ZMYM1: variants seen among roughly 807,000 people sequenced by gnomAD.
The protein encoded by ZMYM1 is zinc finger MYM-type protein 1.
In ZMYM1, 39 loss-of-function variants were observed where a neutral mutation model predicts 60.0. The observed-to-expected ratio is 0.65, with a 90% CI of 0.50 to 0.85. The LOEUF is 0.85. Ranked by LOEUF, ZMYM1 falls within the 40% of genes least tolerant of loss-of-function variation. The pLI, the probability that ZMYM1 is intolerant of heterozygous loss-of-function variation, is 0.00. For missense variants in ZMYM1, 1,171 were observed against 1,309.5 expected, an observed-to-expected ratio of 0.89 and a Z score of 1.63; for synonymous variants, 413 against 454.0, an observed-to-expected ratio of 0.91 and a Z score of 1.15.
rs1339802185 is a variant in ZMYM1 at position 35,111,844 on chromosome 1, T to C, written c.1034T>C (p.Ile345Thr). Residue 345 changes from isoleucine to threonine, a missense_variant, in exon 8 of 10, where the codon ATA becomes ACA. By Grantham distance (89) the Ile-to-Thr change is moderately conservative. Coordinates refer to ENST00000359858, the MANE Select transcript of ZMYM1 (RefSeq NM_024772.5). Reference protein sequence around the residue: ...LSPKKDTTPVISNIVSLADTD... With the variant: ...LSPKKDTTPVTSNIVSLADTD... ...CCAAAGAAAGATACGACTCCAGTTA[T>C]AAGCAATATAGTGTCATTGGCAGAC... 2 of 1,609,846 alleles carry C rather than the reference T, an allele frequency of 1.2e-6. No homozygotes were observed. Among genetic ancestry groups the C allele is most frequent in the African/African-American group, 1.3e-5 (1 of 75,018 alleles).
At chr1:35,092,773 G>A (rs1348948097) in intron 1 of ZMYM1, among the ~76,000 whole-genome samples, 3 of 151,818 alleles carry the variant, frequency 2.0e-5, no homozygotes, top group African/African-American at 2.4e-5. Flanking sequence ...GATTACCAGC[G>A]CATGCCACCA....
chr1:35,064,960 C>G (rs943772383), intron 1 of ZMYM1, among the ~76,000 whole-genome samples: 1 of 152,032 alleles, frequency 6.6e-6, no homozygotes, highest in Non-Finnish European at 1.5e-5. Flanking sequence ...CAAGCGTGAG[C>G]CACTGCGCCC....
At position 35,104,423 on chromosome 1, in the gene ZMYM1, C is replaced by CTAA. The variant is rs1391225891; in HGVS notation, c.551_553dup (p.Asn184dup). Reference sequence around the variant, plus strand: ...AGAAAACCATTTGTTACCATATGTACTAATAGCATTTTGACCAAGTGCAGC... The same window carrying CTAA: ...AGAAAACCATTTGTTACCATATGTACTAATAATAGCATTTTGACCAAGTGCAGC... On this transcript the variant is annotated inframe_insertion, in exon 5 of 10. Coordinates refer to ENST00000359858, the MANE Select transcript of ZMYM1 (RefSeq NM_024772.5). 2 of 1,612,364 alleles carry CTAA rather than the reference C, an allele frequency of 1.2e-6. No individual in the cohort carries two copies. The highest frequency in any genetic ancestry group is 3.4e-5 in the Admixed American group (2 of 59,570).
intron 4 of ZMYM1, 34 bp from the exon 5 acceptor site, chr1:35,104,261 A>G (rs778308569): frequency 2.7e-6 from 4 of 1,496,354 alleles, no homozygotes; most frequent in Non-Finnish European, 3.6e-6. Flanking sequence ...TTGTGTTTAA[A>G]CTGTTTAATG....
chr1:35,111,852 A>G lies in ZMYM1; in HGVS notation c.1042A>G (p.Ile348Val). The stretch of plus-strand genomic sequence containing the variant: ...AGATACGACTCCAGTTATAAGCAAT[A>G]TAGTGTCATTGGCAGACACCGATGT... ...KKDTTPVISN[I>V]VSLADTDVAL... Residue 348 changes from isoleucine (I) to valine (V), a missense_variant, in exon 8 of 10, where the codon ATA (isoleucine) becomes GTA (valine). Physicochemically the swap from Ile to Val is conservative, Grantham distance 29. Coordinates refer to ENST00000359858, the MANE Select transcript of ZMYM1 (RefSeq NM_024772.5). 1 of 1,609,578 alleles carries G rather than the reference A, an allele frequency of 6.2e-7. No individual in the cohort carries two copies. The highest frequency in any genetic ancestry group is 2.2e-5 in the East Asian group (1 of 44,696).
At chr1:35,116,086 TTAGTG>T (rs1442857036), downstream of ZMYM1, among the ~76,000 whole-genome samples, 9 of 152,026 alleles carry the variant, frequency 5.9e-5, no homozygotes, top group East Asian at 1.5e-3. Context: ...TTTTTTTAAA[TTAGTG>T]AAGTGTGGTA....
intron 4 of ZMYM1, among the ~76,000 whole-genome samples, chr1:35,100,076 A>G (rs1643560275): frequency 6.6e-6 from 1 of 151,932 alleles, no homozygotes; most frequent in African/African-American, 2.4e-5. Context: ...TTTTCAGTAG[A>G]GATGCAGTTT....
At chr1:35,112,884 A>G (rs1644143327) in intron 9 of ZMYM1, 93 bp from the exon 10 acceptor site, 1 of 1,186,414 alleles carries the variant, frequency 8.4e-7, no homozygotes, top group African/African-American at 1.6e-5. Context: ...TAACTCAGCC[A>G]TTTATTTTAC....
At chr1:35,106,027 G>A (rs970552966) in intron 6 of ZMYM1, among the ~76,000 whole-genome samples, 2 of 151,948 alleles carry the variant, frequency 1.3e-5, no homozygotes, top group Non-Finnish European at 2.9e-5. Context: ...AGACCAAGGC[G>A]GGAGGTTCAG....
chr1:35,061,970 C>T (rs1051946151), intron 1 of ZMYM1, among the ~76,000 whole-genome samples: 3 of 151,580 alleles, frequency 2.0e-5, no homozygotes, highest in Non-Finnish European at 2.9e-5. Context: ...GCTGGGACTA[C>T]AAGCACGCGT....
At chr1:35,067,928 C>T (rs1641999899) in intron 1 of ZMYM1, among the ~76,000 whole-genome samples, 1 of 151,710 alleles carries the variant, frequency 6.6e-6, no homozygotes, top group Admixed American at 6.6e-5. Context: ...ACCACCTGTA[C>T]CCCCGATAAC....
chr1:35,094,121 G>A (rs1449098198), intron 2 of ZMYM1, 38 bp downstream of exon 2: 1 of 1,539,660 alleles, frequency 6.5e-7, no homozygotes, highest in Non-Finnish European at 8.8e-7. Context: ...TTCTAGAGCA[G>A]CATTTAACTA....
In ZMYM1 at chr1:35,115,150, C is replaced by A; in HGVS notation, c.3320C>A (p.Thr1107Asn). ...AATACCATGGGACAAGAGAAGCTTA[C>A]TGGCCCAGCCCTAATGGCTGTTGAG... is the stretch of plus-strand genomic sequence containing the variant. ...LCNTMGQEKL[T>N]GPALMAVEQE... Residue 1107 changes from threonine to asparagine, a missense_variant, in exon 10 of 10, where the codon ACT becomes AAT. Transcript: ENST00000359858. 2 of 1,614,104 alleles carry A rather than the reference C, an allele frequency of 1.2e-6. No homozygotes were observed. The highest frequency in any genetic ancestry group is 2.2e-5 in the East Asian group (1 of 44,868).
intron 1 of ZMYM1, among the ~76,000 whole-genome samples, chr1:35,082,837 C>T (rs182306018): frequency 9.9e-5 from 15 of 151,546 alleles, no homozygotes; most frequent in African/African-American, 3.4e-4. Flanking sequence ...AAAAATTAGC[C>T]AGGAGTGGTA....
intron 1 of ZMYM1, among the ~76,000 whole-genome samples, chr1:35,070,202 A>G (rs892393438): frequency 6.6e-6 from 1 of 152,160 alleles, no homozygotes; most frequent in Admixed American, 6.6e-5. Flanking sequence ...AACAATATCA[A>G]TTCTTCCAAT....
chr1:35,078,449 G>A (rs542482002), upstream of ZMYM1, among the ~76,000 whole-genome samples: 277 of 148,624 alleles, frequency 1.9e-3, 2 homozygotes, highest in Non-Finnish European at 3.1e-3. Context: ...CAGTTAGTTC[G>A]TCCTATACTT....
rs1436684382 is a variant in ZMYM1, at chr1:35,115,437, G to T, written c.*178G>T. ...CTTTTCCTTAAATATCCCTCTAGAGGTATTTTTCCTAAGTGGTATTGTACG... is the reference window on the plus strand; with the variant it reads ...CTTTTCCTTAAATATCCCTCTAGAGTTATTTTTCCTAAGTGGTATTGTACG... On this transcript the variant is annotated 3_prime_UTR_variant, in exon 10 of 10. Coordinates refer to ENST00000359858, the MANE Select transcript of ZMYM1 (RefSeq NM_024772.5). 5 of 660,072 alleles carry T rather than the reference G, an allele frequency of 7.6e-6. No homozygotes were observed. Among genetic ancestry groups the T allele is most frequent in the East Asian group, 3.1e-5 (1 of 31,816 alleles). The allele number at this position is 660,072 out of a possible 1,614,324, so 40.9% of individuals were successfully genotyped here.
chr1:35,060,546 A>T (rs1641855209), intron 1 of ZMYM1, among the ~76,000 whole-genome samples: 1 of 152,234 alleles, frequency 6.6e-6, no homozygotes, highest in Non-Finnish European at 1.5e-5. Context: ...GAATTCCTGG[A>T]GGAAGGAAGA....
Position 35,114,849 on chromosome 1 carries a change from G to C in ZMYM1, c.3019G>C (p.Glu1007Gln), listed in dbSNP as rs1644215780. The change falls in exon 10 of 10, where the codon GAA (glutamate) becomes CAA (glutamine). Residue 1007 changes from glutamate (E) to glutamine (Q), a missense_variant. Physicochemically the swap from Glu to Gln is conservative, Grantham distance 29. Transcript: ENST00000359858. ...LLFKWNEPLN[E>Q]TTAKHVQEFY... ...ATTTAAATGGAATGAACCATTAAAT[G>C]AAACAACAGCAAAACATGTTCAGGA... is the stretch of plus-strand genomic sequence containing the variant. 6.2e-7 allele frequency: 1 copy of C among 1,606,116 alleles called. No homozygotes were observed. The highest frequency in any genetic ancestry group is 8.5e-7 in the Non-Finnish European group (1 of 1,176,168).
Sources: gnomAD v4.1 joint callset for allele counts (sites outside exome capture counted in the v4.1 genomes callset) on GRCh38, gnomAD v4.1.1 for gene constraint, MANE v1.5 for transcripts, NCBI Gene and HGNC (gene_info 2026-07-23, HGNC 2026-07-21) for gene names.